Variants in CMSS1 observed in about 807,000 individuals in gnomAD.
CMSS1 encodes protein CMSS1.
Under a neutral mutation model 43.5 loss-of-function variants are expected in CMSS1, and 33 were observed. The ratio of observed to expected loss-of-function variants is 0.76; its 90% CI spans 0.57 to 1.01. The LOEUF (loss-of-function observed/expected upper bound fraction) is 1.01. Ranked by LOEUF, CMSS1 falls within the 50% of genes least tolerant of loss-of-function variation. The pLI, the probability that CMSS1 is intolerant of heterozygous loss-of-function variation, is 0.00. For missense variants in CMSS1, 313 were observed against 326.4 expected, an observed-to-expected ratio of 0.96 and a Z score of 0.32; for synonymous variants, 115 against 117.2, an observed-to-expected ratio of 0.98 and a Z score of 0.12.
intron 1 of CMSS1, among the ~76,000 whole-genome samples, chr3:99,841,952 A>G (rs941870768): frequency 6.6e-6 from 1 of 152,228 alleles, no homozygotes; most frequent in African/African-American, 2.4e-5. Flanking sequence ...AAGTAGATCT[A>G]TCATTTGATC....
chr3:99,858,262 G>A (rs569902503), intron 1 of CMSS1, among the ~76,000 whole-genome samples: 5 of 152,026 alleles, frequency 3.3e-5, no homozygotes, highest in East Asian at 1.9e-4. Context: ...TGAGGAGATC[G>A]AGACCATCCT....
chr3:100,131,221 A>G (rs1283094485), intron 1 of CMSS1, among the ~76,000 whole-genome samples: 6 of 152,198 alleles, frequency 3.9e-5, no homozygotes, highest in Admixed American at 2.0e-4. Context: ...CCAAGCTCAC[A>G]CAGCTTGTAA....
intron 1 of CMSS1, among the ~76,000 whole-genome samples, chr3:99,828,208 AC>A (rs1181901430): frequency 3.3e-5 from 5 of 152,014 alleles, no homozygotes; most frequent in African/African-American, 1.2e-4. Flanking sequence ...TAGCATAATT[AC>A]CAATGTTGAA....
At chr3:100,137,623 C>T (rs538257672) in intron 1 of CMSS1, among the ~76,000 whole-genome samples, 10 of 150,140 alleles carry the variant, frequency 6.7e-5, no homozygotes, top group African/African-American at 2.5e-4. Context: ...AGTGCAGTGG[C>T]GTGATCTCGG....
intron 7 of CMSS1, 24 bp downstream of exon 7, chr3:100,171,923 C>G: frequency 6.3e-7 from 1 of 1,578,530 alleles, no homozygotes; most frequent in Non-Finnish European, 8.7e-7. Flanking sequence ...TGTGTGATCC[C>G]TAAAGGCCTC....
chr3:100,087,769 G>T (rs2066036206), intron 1 of CMSS1, among the ~76,000 whole-genome samples: 1 of 150,618 alleles, frequency 6.6e-6, no homozygotes, highest in South Asian at 2.1e-4. Flanking sequence ...TGTGCTTCTG[G>T]TATTGTACCT....
chr3:100,063,041 C>G (rs1458837081), intron 1 of CMSS1, among the ~76,000 whole-genome samples: 2 of 152,214 alleles, frequency 1.3e-5, no homozygotes, highest in African/African-American at 4.8e-5. Flanking sequence ...CTCAAGATGG[C>G]ATTTGGAGTT....
At chr3:100,125,665 A>G (rs1016505616) in intron 1 of CMSS1, among the ~76,000 whole-genome samples, 8 of 152,074 alleles carry the variant, frequency 5.3e-5, no homozygotes, top group African/African-American at 9.7e-5. Context: ...TGCATTTTCT[A>G]TTTCTGGATT....
At chr3:100,118,558 A>C (rs2066594514) in intron 1 of CMSS1, among the ~76,000 whole-genome samples, 2 of 152,182 alleles carry the variant, frequency 1.3e-5, no homozygotes, top group African/African-American at 4.8e-5. Context: ...CCAGTTGCAG[A>C]GTATCCATGC....
At chr3:99,922,635 A>T (rs17313599) in intron 1 of CMSS1, among the ~76,000 whole-genome samples, 2 of 152,172 alleles carry the variant, frequency 1.3e-5, no homozygotes, top group Non-Finnish European at 2.9e-5. Context: ...TAGTTGAATA[A>T]GCCATTTGAG....
At chr3:99,948,298 G>A (rs1390394112) in intron 1 of CMSS1, among the ~76,000 whole-genome samples, 1 of 151,988 alleles carries the variant, frequency 6.6e-6, no homozygotes, top group East Asian at 1.9e-4. Context: ...TTTGAGATCA[G>A]CCTTAGCAAC....
intron 1 of CMSS1, among the ~76,000 whole-genome samples, chr3:99,971,243 G>A (rs2107717381): frequency 6.6e-6 from 1 of 152,212 alleles, no homozygotes; most frequent in Non-Finnish European, 1.5e-5. Flanking sequence ...GGGAGGCTGA[G>A]GCAGGAGAAT....
At chr3:100,105,341 G>C (rs963434605) in intron 1 of CMSS1, among the ~76,000 whole-genome samples, 3 of 152,104 alleles carry the variant, frequency 2.0e-5, no homozygotes, top group African/African-American at 7.2e-5. Flanking sequence ...TAGGAATTTG[G>C]ACTAGTAATA....
chr3:100,038,251 C>T (rs887306068), intron 1 of CMSS1, among the ~76,000 whole-genome samples: 2 of 152,198 alleles, frequency 1.3e-5, no homozygotes, highest in Admixed American at 6.5e-5. Context: ...CCACCACGCC[C>T]GGCCTCTCTT....
At chr3:100,056,988 A>G (rs527329431) in intron 1 of CMSS1, among the ~76,000 whole-genome samples, 1 of 152,194 alleles carries the variant, frequency 6.6e-6, no homozygotes, top group Admixed American at 6.5e-5. Flanking sequence ...TGGGCAACAG[A>G]GCGAGACTCT....
At chr3:100,074,321 A>G (rs969750822) in intron 1 of CMSS1, among the ~76,000 whole-genome samples, 1 of 151,920 alleles carries the variant, frequency 6.6e-6, no homozygotes, top group Non-Finnish European at 1.5e-5. Context: ...GAATCCCTAC[A>G]CTCTGGGAAC....
intron 1 of CMSS1, among the ~76,000 whole-genome samples, chr3:100,070,496 T>G (rs955506342): frequency 7.2e-5 from 11 of 152,230 alleles, no homozygotes; most frequent in African/African-American, 1.2e-4. Flanking sequence ...TAAATACATT[T>G]TAAGGTATAA....
At chr3:99,848,262 G>C (rs1297756519) in intron 1 of CMSS1, 18 of 1,610,200 alleles carry the variant, frequency 1.1e-5, no homozygotes, top group Non-Finnish European at 1.5e-5. Context: ...GACTGGATGA[G>C]GGTGAGCGTG....
rs546475238 is a variant in CMSS1, at chr3:100,045,258, A to C, written c.65-101715A>C. 4.6e-5 allele frequency among the ~76,000 whole-genome samples: 7 copies of C among 152,350 alleles called. No homozygotes were observed. The East Asian group carries it at 9.6e-4, about 21-fold the overall frequency. ...TGCAAAGAGGTTGAAAGGGATGCGTACAGCACATAGCACAGTATCTAGCTC... is the reference window on the plus strand; with the variant it reads ...TGCAAAGAGGTTGAAAGGGATGCGTCCAGCACATAGCACAGTATCTAGCTC... On this transcript the variant is annotated intron_variant, in intron 1 of 9. Transcript: ENST00000421999.
Sources: allele counts gnomAD v4.1 joint callset (sites outside exome capture counted in the v4.1 genomes callset), GRCh38; gene constraint gnomAD v4.1.1; transcripts MANE v1.5; gene names NCBI Gene and HGNC (gene_info 2026-07-23, HGNC 2026-07-21).